Variants in ZNF329 observed in about 807,000 individuals in gnomAD.
The protein encoded by ZNF329 is zinc finger protein 329.
A neutral mutation model predicts 26.6 loss-of-function variants in ZNF329; 15 were observed. The observed-to-expected ratio is 0.56, with a 90% CI of 0.38 to 0.87. ZNF329 has a LOEUF of 0.87. Among genes scored for constraint, ZNF329 ranks in the 40% least tolerant of loss-of-function variants. The pLI is 0.00. For missense variants in ZNF329, 651 were observed against 651.9 expected, an observed-to-expected ratio of 1.00 and a Z score of 0.02; for synonymous variants, 239 against 233.5, an observed-to-expected ratio of 1.02 and a Z score of -0.21.
upstream of ZNF329, among the ~76,000 whole-genome samples, chr19:58,151,996 G>A (rs947236314): frequency 3.9e-5 from 6 of 152,146 alleles, no homozygotes; most frequent in African/African-American, 9.6e-5. Context: ...GAACCTCTCC[G>A]CAGGTTGAAA....
chr19:58,145,053 G>A (rs553860434), intron 1 of ZNF329, among the ~76,000 whole-genome samples: 4 of 150,962 alleles, frequency 2.6e-5, no homozygotes, highest in Non-Finnish European at 4.4e-5. Flanking sequence ...GTTTCACCAT[G>A]TTAGCCAAGA....
chr19:58,146,106 A>T (rs2146122578), intron 1 of ZNF329, among the ~76,000 whole-genome samples: 1 of 152,290 alleles, frequency 6.6e-6, no homozygotes, highest in East Asian at 1.9e-4. Flanking sequence ...CTGGATCAAA[A>T]CAAATACCCA....
chr19:58,134,893 C>G (rs563170388), intron 3 of ZNF329, among the ~76,000 whole-genome samples: 1 of 152,028 alleles, frequency 6.6e-6, no homozygotes, highest in Non-Finnish European at 1.5e-5. Context: ...CCAAGATTGA[C>G]CCACTGAACT....
At chr19:58,149,619 G>A (rs2075403909) in intron 1 of ZNF329, among the ~76,000 whole-genome samples, 1 of 152,128 alleles carries the variant, frequency 6.6e-6, no homozygotes, top group Non-Finnish European at 1.5e-5. Context: ...GCAGTAGAAT[G>A]GAGGAAAGTC....
At chr19:58,134,362 A>G (rs1217876859) in intron 3 of ZNF329, among the ~76,000 whole-genome samples, 1 of 152,226 alleles carries the variant, frequency 6.6e-6, no homozygotes, top group Non-Finnish European at 1.5e-5. Context: ...AGGGGTAAAA[A>G]ACAGCACAAA....
intron 1 of ZNF329, among the ~76,000 whole-genome samples, chr19:58,145,153 T>C (rs1168048614): frequency 1.3e-5 from 2 of 150,224 alleles, no homozygotes; most frequent in East Asian, 2.0e-4. Context: ...CTGGCCATTT[T>C]TTTTTTTTAA....
intron 3 of ZNF329, chr19:58,136,951 G>A (rs750188208): frequency 1.9e-4 from 34 of 180,952 alleles, no homozygotes; most frequent in Middle Eastern, 1.1e-3. Context: ...CCTACTGCTT[G>A]TAAACTCATT....
At chr19:58,131,345 G>A (rs2074939463) in intron 3 of ZNF329, among the ~76,000 whole-genome samples, 1 of 151,786 alleles carries the variant, frequency 6.6e-6, no homozygotes, top group South Asian at 2.1e-4. Flanking sequence ...CACACAGAAG[G>A]CTGAGGCTGC....
chr19:58,148,399 A>G (rs1455868651), intron 1 of ZNF329, among the ~76,000 whole-genome samples: 1 of 151,742 alleles, frequency 6.6e-6, no homozygotes, highest in Non-Finnish European at 1.5e-5. Flanking sequence ...ATTAAAAAAA[A>G]AAAAAAAAAA....
chr19:58,137,785 G>A (rs2075103931), intron 3 of ZNF329, among the ~76,000 whole-genome samples: 1 of 131,778 alleles, frequency 7.6e-6, no homozygotes, highest in African/African-American at 2.9e-5. Flanking sequence ...GCAACACAGT[G>A]AGACCCCATC....
At chr19:58,147,494 G>A (rs2075345414) in intron 1 of ZNF329, among the ~76,000 whole-genome samples, 1 of 146,428 alleles carries the variant, frequency 6.8e-6, no homozygotes, top group Non-Finnish European at 1.5e-5. Flanking sequence ...CGCCCCTACT[G>A]GGAAGTGAGG....
intron 1 of ZNF329, among the ~76,000 whole-genome samples, chr19:58,149,755 G>C (rs999968388): frequency 6.6e-6 from 1 of 152,108 alleles, no homozygotes; most frequent in East Asian, 1.9e-4. Flanking sequence ...TCAGGCTGAT[G>C]GTAATTTTAA....
In ZNF329 at chr19:58,128,393, A is replaced by G; in HGVS notation, c.1111T>C (p.Phe371Leu). ...HERTHTGEKP[F>L]ECAECGKSFN... is the part of the protein sequence containing the mutation. ...GATTTCCCGCACTCTGCACACTCAA[A>G]GGGCTTTTCTCCAGTGTGAGTCCTC... The change falls in exon 4 of 4, where the codon TTT (phenylalanine) becomes CTT (leucine). Residue 371 changes from phenylalanine (F) to leucine (L), a missense_variant. Phe to Leu is a conservative substitution (Grantham distance 22, BLOSUM62 0). Transcript: ENST00000598312. The G allele has an allele frequency of 1.2e-6, 2 of 1,614,058 alleles. No individual in the cohort carries two copies. Among genetic ancestry groups the G allele is most frequent in the Non-Finnish European group, 1.7e-6 (2 of 1,180,032 alleles).
At position 58,128,442 on chromosome 19, in the gene ZNF329, G is replaced by A. The variant is rs768079; in HGVS notation, c.1062C>T (p.Asp354=). The A allele has an allele frequency of 3.8e-3, 6,105 of 1,613,312 alleles. 163 individuals are homozygous for A. The African/African-American group carries it at 0.064, about 17-fold the overall frequency. The change falls in exon 4 of 4, where the codon GAC becomes GAT. Residue 354 remains aspartate (D), a synonymous_variant. Coordinates refer to ENST00000598312, the MANE Select transcript of ZNF329 (RefSeq NM_024620.4). The part of the protein sequence containing the change: ...ECSKCGKAFR[D]GSYLTQHERT... ...TCTCATGCTGGGTGAGGTACGAGCC[G>A]TCCCGGAAAGCCTTTCCACATTTGC...
chr19:58,134,555 CAAA>C (rs1399157722), intron 3 of ZNF329, among the ~76,000 whole-genome samples: 1 of 152,162 alleles, frequency 6.6e-6, no homozygotes, highest in Non-Finnish European at 1.5e-5. Flanking sequence ...GAATGCCAAA[CAAA>C]GAAGGGTTTT....
At chr19:58,138,410 T>G (rs1226080747) in intron 3 of ZNF329, among the ~76,000 whole-genome samples, 1 of 152,210 alleles carries the variant, frequency 6.6e-6, no homozygotes, top group Admixed American at 6.5e-5. Context: ...ATCATTTACT[T>G]TCAAGTCCAG....
rs777438075 is a variant in ZNF329 at position 58,129,207 on chromosome 19, A to G, written c.297T>C (p.Ser99=). The part of the protein sequence containing the change: ...NGFHAPDSNV[S]GLDCDPALPS... ...GTAAGGCGGGGTCACAATCCAGACC[A>G]CTAACATTTGAGTCAGGTGCATGGA... Residue 99 remains serine (S), a synonymous_variant, in exon 4 of 4, where the codon AGT becomes AGC. Coordinates refer to ENST00000598312, the MANE Select transcript of ZNF329 (RefSeq NM_024620.4). 6.2e-7 allele frequency: 1 copy of G among 1,614,204 alleles called. No individual in the cohort carries two copies. The highest frequency in any genetic ancestry group is 1.1e-5 in the South Asian group (1 of 91,084).
chr19:58,141,193 A>C (rs1159223907), intron 3 of ZNF329, among the ~76,000 whole-genome samples: 1 of 149,592 alleles, frequency 6.7e-6, no homozygotes, highest in Non-Finnish European at 1.5e-5. Flanking sequence ...ATGAGGTCTC[A>C]CTATATGGGC....
chr19:58,130,566 C>T lies in ZNF329; in HGVS notation c.-8-1055G>A, dbSNP rs557842023. On this transcript the variant is annotated intron_variant, in intron 3 of 3. Coordinates refer to ENST00000598312, the MANE Select transcript of ZNF329 (RefSeq NM_024620.4). ...GCGGGCGCCTGTAGTCCCAGCTACT[C>T]GGGAGGCTGAGGCAGGAGAATGGCG... is the stretch of plus-strand genomic sequence containing the variant. 4.5e-3 allele frequency among the ~76,000 whole-genome samples: 663 copies of T among 146,530 alleles called. 8 individuals carry two copies. The highest frequency in any genetic ancestry group is 0.016 in the African/African-American group (625 of 39,800).
Sources: allele counts gnomAD v4.1 joint callset (sites outside exome capture counted in the v4.1 genomes callset), GRCh38; gene constraint gnomAD v4.1.1; transcripts MANE v1.5; gene names NCBI Gene and HGNC (gene_info 2026-07-23, HGNC 2026-07-21).